OTOP1: variants seen among roughly 807,000 people sequenced by gnomAD.
OTOP1 encodes otopetrin 1.
Under a neutral mutation model 52.9 loss-of-function variants are expected in OTOP1, and 59 were observed. That is an observed-to-expected ratio of 1.12 (90% CI 0.91 to 1.39). The LOEUF (loss-of-function observed/expected upper bound fraction) is 1.39, where lower values mean the gene tolerates loss of function less well. Among genes scored for constraint, OTOP1 ranks in the 40% most tolerant of loss-of-function variants. The pLI, the probability that OTOP1 is intolerant of heterozygous loss-of-function variation, is 0.00. For missense variants in OTOP1, 761 were observed against 800.9 expected (o/e 0.95, Z 0.60); for synonymous variants, 317 against 337.7 (o/e 0.94, Z 0.67).
chr4:4,226,535 G>A lies in OTOP1; in HGVS notation c.330C>T (p.Tyr110=), dbSNP rs764769166. Reference sequence around the variant, plus strand: ...GGCGGTGCGCGGAGCTGCGGCCCACGTACCACAGCATCCACAGCAGCTGCA... The same window carrying A: ...GGCGGTGCGCGGAGCTGCGGCCCACATACCACAGCATCCACAGCAGCTGCA... ...MLLQLLWMLW[Y]VGRSSAHRRL... The change falls in exon 1 of 6, where the codon TAC becomes TAT. Residue 110 remains tyrosine, a synonymous_variant. Transcript: ENST00000296358. The A allele has an allele frequency of 1.2e-6, 2 of 1,601,710 alleles. No homozygotes were observed. Among genetic ancestry groups the A allele is most frequent in the South Asian group, 1.1e-5 (1 of 90,336 alleles).
chr4:4,193,708 T>C (rs1182374030), intron 5 of OTOP1, among the ~76,000 whole-genome samples: 1 of 151,968 alleles, frequency 6.6e-6, no homozygotes, highest in Non-Finnish European at 1.5e-5. Context: ...AGCCCACCCT[T>C]CTCCTTGGAC....
chr4:4,198,116 G>C lies in OTOP1; in HGVS notation c.731-13C>G. On this transcript the variant is annotated splice_polypyrimidine_tract_variant and intron_variant, in intron 4 of 5. Coordinates refer to ENST00000296358, the MANE Select transcript of OTOP1 (RefSeq NM_177998.3). ...TGGTCATCTAAAACTAGGGGAGACAGGTAGATCACACAGGAGGGCGATTAG... is the reference window on the plus strand; with the variant it reads ...TGGTCATCTAAAACTAGGGGAGACACGTAGATCACACAGGAGGGCGATTAG... 1.9e-6 allele frequency: 3 copies of C among 1,598,446 alleles called. No individual in the cohort carries two copies. The highest frequency in any genetic ancestry group is 1.3e-5 in the African/African-American group (1 of 74,676).
At chr4:4,221,557 A>G (rs1717301330) in intron 1 of OTOP1, among the ~76,000 whole-genome samples, 1 of 152,140 alleles carries the variant, frequency 6.6e-6, no homozygotes, top group Non-Finnish European at 1.5e-5. Context: ...AGGATGCTGT[A>G]CTGATTACTC....
intron 2 of OTOP1, among the ~76,000 whole-genome samples, chr4:4,210,610 T>C (rs1395428126): frequency 6.6e-6 from 1 of 152,084 alleles, no homozygotes; most frequent in African/African-American, 2.4e-5. Context: ...GCAGGTGGAT[T>C]GCCTGAGGTC....
chr4:4,218,251 G>A (rs1207127860), intron 1 of OTOP1, among the ~76,000 whole-genome samples: 5 of 151,786 alleles, frequency 3.3e-5, no homozygotes, highest in Non-Finnish European at 5.9e-5. Flanking sequence ...AATTAGTCAG[G>A]TGTGGTGGCA....
At chr4:4,204,946 G>A (rs1235359034) in intron 3 of OTOP1, among the ~76,000 whole-genome samples, 5 of 151,996 alleles carry the variant, frequency 3.3e-5, no homozygotes, top group Non-Finnish European at 7.4e-5. Context: ...AATTTTTTTT[G>A]TATTTTTAGT....
At chr4:4,208,451 G>A (rs1248376689) in intron 2 of OTOP1, among the ~76,000 whole-genome samples, 1 of 152,142 alleles carries the variant, frequency 6.6e-6, no homozygotes, top group East Asian at 1.9e-4. Context: ...CCTTAAAAAG[G>A]AAGAAAATTC....
At chr4:4,196,512 G>A (rs1187544350) in intron 5 of OTOP1, among the ~76,000 whole-genome samples, 3 of 152,152 alleles carry the variant, frequency 2.0e-5, no homozygotes, top group South Asian at 2.1e-4. Context: ...AGCCAAGATC[G>A]CACCATTGCA....
chr4:4,226,795 C>G lies in OTOP1; in HGVS notation c.70G>C (p.Gly24Arg). Reference protein sequence around the residue: ...AASASVAGSSGPAACSPPSSS... With the variant: ...AASASVAGSSRPAACSPPSSS... Reference sequence around the variant, plus strand: ...GAGGGAGGCGAGCAGGCCGCTGGCCCCGACGACCCTGCGACCGAGGCGCTT... The same window carrying G: ...GAGGGAGGCGAGCAGGCCGCTGGCCGCGACGACCCTGCGACCGAGGCGCTT... The change falls in exon 1 of 6, where the codon GGG becomes CGG. Residue 24 changes from glycine to arginine, a missense_variant. Coordinates refer to ENST00000296358, the MANE Select transcript of OTOP1 (RefSeq NM_177998.3). 7.3e-7 allele frequency: 1 copy of G among 1,370,848 alleles called. No homozygotes were observed. The highest frequency in any genetic ancestry group is 9.4e-7 in the Non-Finnish European group (1 of 1,066,930). 84.9% of individuals were successfully genotyped at this position (1,370,848 alleles called of 1,614,324 possible).
At chr4:4,207,014 G>A (rs973041211) in intron 2 of OTOP1, among the ~76,000 whole-genome samples, 1 of 152,118 alleles carries the variant, frequency 6.6e-6, no homozygotes, top group Non-Finnish European at 1.5e-5. Flanking sequence ...AACACTGGTA[G>A]GCATTTTATA....
Position 4,224,296 on chromosome 4 carries a change from G to A in OTOP1, c.403+2166C>T, listed in dbSNP as rs542833989. ...CGGGAGGTGGAGGTTGCAGTGAGCC[G>A]AGATCGCACCATTGCACTCCAGCCT... On this transcript the variant is annotated intron_variant, in intron 1 of 5. Coordinates refer to ENST00000296358, the MANE Select transcript of OTOP1 (RefSeq NM_177998.3). Among the ~76,000 whole-genome samples, 10 of 150,764 alleles carry A rather than the reference G, an allele frequency of 6.6e-5. No homozygotes were observed. The South Asian group carries it at 8.4e-4, about 13-fold the overall frequency.
At position 4,206,119 on chromosome 4, in the gene OTOP1, A is replaced by T. The variant is rs370360108; in HGVS notation, c.552T>A (p.Leu184=). 1 of 1,604,592 alleles carries T rather than the reference A, an allele frequency of 6.2e-7. No individual in the cohort carries two copies. The highest frequency in any genetic ancestry group is 1.3e-5 in the African/African-American group (1 of 74,858). The change falls in exon 3 of 6, where the codon CTT becomes CTA. Residue 184 remains leucine (L), a synonymous_variant. Transcript: ENST00000296358. ...GGATAATATCCTTTGCATGCCCCCA[A>T]AGAAAATATACCTAGATGGAAATAA... The part of the protein sequence containing the change: ...SVHTLLQVYF[L]WGHAKDIIQS...
chr4:4,207,338 A>T (rs1716927469), intron 2 of OTOP1, among the ~76,000 whole-genome samples: 1 of 152,218 alleles, frequency 6.6e-6, no homozygotes. Flanking sequence ...ACCAACATTG[A>T]AAACTTTTTT....
intron 4 of OTOP1, among the ~76,000 whole-genome samples, chr4:4,199,221 T>TGTGTGTGTGTGC (rs71638534): frequency 2.0e-5 from 1 of 50,036 alleles, no homozygotes; most frequent in East Asian, 5.7e-4. Flanking sequence ...CAGGTAAAAT[T>TGTGTGTGTGTGC]GTGTGTGTGT....
chr4:4,215,949 C>CA (rs1287682204), intron 1 of OTOP1, among the ~76,000 whole-genome samples: 3 of 151,972 alleles, frequency 2.0e-5, no homozygotes, highest in Non-Finnish European at 4.4e-5. Context: ...AGGCGTGCAC[C>CA]ACCATGCCCA....
intron 2 of OTOP1, among the ~76,000 whole-genome samples, chr4:4,208,229 A>T (rs140572356): frequency 9.7e-4 from 148 of 152,312 alleles, no homozygotes; most frequent in Non-Finnish European, 1.7e-3. Flanking sequence ...GGAGCCCACA[A>T]GGAATTTCCT....
intron 5 of OTOP1, among the ~76,000 whole-genome samples, chr4:4,194,781 G>A (rs899980424): frequency 1.3e-5 from 2 of 152,188 alleles, no homozygotes; most frequent in Non-Finnish European, 1.5e-5. Context: ...CTCCCCTCCA[G>A]CCACCAGTCA....
At chr4:4,208,732 C>G (rs1168855207) in intron 2 of OTOP1, among the ~76,000 whole-genome samples, 2 of 150,016 alleles carry the variant, frequency 1.3e-5, no homozygotes, top group African/African-American at 2.5e-5. Context: ...ATTACTGAAA[C>G]GTACGCTTAA....
chr4:4,208,383 G>T (rs927651420), intron 2 of OTOP1, among the ~76,000 whole-genome samples: 2 of 152,104 alleles, frequency 1.3e-5, no homozygotes, highest in African/African-American at 4.8e-5. Flanking sequence ...TGATTTTGGG[G>T]CCCCAAGATT....
Sources: gnomAD v4.1 joint callset for allele counts (sites outside exome capture counted in the v4.1 genomes callset) on GRCh38, gnomAD v4.1.1 for gene constraint, MANE v1.5 for transcripts, NCBI Gene and HGNC (gene_info 2026-07-23, HGNC 2026-07-21) for gene names.